Variants in GASK1A observed in about 807,000 individuals in gnomAD.
GASK1A encodes the protein golgi associated kinase 1A.
A neutral mutation model predicts 41.2 loss-of-function variants in GASK1A; 40 were observed. That is an observed-to-expected ratio of 0.97 (90% confidence interval 0.75 to 1.27). GASK1A has a LOEUF of 1.27. Among genes scored for constraint, GASK1A ranks in the 50% most tolerant of loss-of-function variants. The pLI, the probability that GASK1A is intolerant of heterozygous loss-of-function variation, is 0.00. For missense variants in GASK1A, 678 were observed against 745.1 expected, an observed-to-expected ratio of 0.91 and a Z score of 1.05; for synonymous variants, 316 against 307.1, an observed-to-expected ratio of 1.03 and a Z score of -0.30.
intron 1 of GASK1A, among the ~76,000 whole-genome samples, chr3:42,980,016 T>C (rs2089274674): frequency 6.6e-6 from 1 of 152,170 alleles, no homozygotes; most frequent in Non-Finnish European, 1.5e-5. Flanking sequence ...TTGAAGTCAT[T>C]TTAATACTCT....
Position 43,032,378 on chromosome 3 carries a change from TC to T in GASK1A, c.117del (p.Ala40ProfsTer13). 6.4e-7 allele frequency: 1 copy of T among 1,551,618 alleles called. No individual in the cohort carries two copies. Among genetic ancestry groups the T allele is most frequent in the Non-Finnish European group, 8.7e-7 (1 of 1,146,932 alleles). On this transcript the variant is annotated frameshift_variant, in exon 2 of 5. Transcript: ENST00000430121. LOFTEE classifies it high-confidence loss of function. ...AVTRFPPQRP[S>X]AGPDPGPMEP... Reference sequence around the variant, plus strand: ...CACCCGCTTTCCCCCACAGCGTCCATCCGCCGGCCCAGACCCTGGTCCCATG... The same window carrying T: ...CACCCGCTTTCCCCCACAGCGTCCATCGCCGGCCCAGACCCTGGTCCCATG...
intron 2 of GASK1A, among the ~76,000 whole-genome samples, chr3:43,045,418 C>A (rs190180271): frequency 5.7e-4 from 87 of 152,252 alleles, no homozygotes; most frequent in African/African-American, 2.0e-3. Context: ...CCTGCCTCAG[C>A]TCTTCTACCA....
intron 2 of GASK1A, among the ~76,000 whole-genome samples, chr3:43,039,502 C>G (rs553719699): frequency 7.4e-4 from 112 of 152,300 alleles, no homozygotes; most frequent in African/African-American, 2.5e-3. Flanking sequence ...TGTGCCTAGC[C>G]TAGGTAGGTT....
At chr3:43,038,932 G>A (rs868319568) in intron 2 of GASK1A, among the ~76,000 whole-genome samples, 9 of 151,914 alleles carry the variant, frequency 5.9e-5, no homozygotes, top group Non-Finnish European at 1.3e-4. Context: ...ATTGACTGTC[G>A]ATGGATTGTG....
At chr3:43,007,083 G>A (rs2089440467) in intron 1 of GASK1A, among the ~76,000 whole-genome samples, 1 of 152,170 alleles carries the variant, frequency 6.6e-6, no homozygotes, top group Non-Finnish European at 1.5e-5. Flanking sequence ...CATTGCTATT[G>A]AAGCTTTTGC....
Position 43,022,273 on chromosome 3 carries a change from C to T in GASK1A, c.4-9994C>T, listed in dbSNP as rs116045268. On this transcript the variant is annotated intron_variant, in intron 1 of 4. Transcript: ENST00000430121. ...CCCAAAGCTTTACTTGGGTGGCCCT[C>T]CCTGGGACATCTGCTCATGGCCGTT... 4.2e-3 allele frequency among the ~76,000 whole-genome samples: 642 copies of T among 152,272 alleles called. 9 individuals carry two copies. The highest frequency in any genetic ancestry group is 0.015 in the African/African-American group (621 of 41,556).
chr3:43,011,861 G>T (rs536686775), intron 1 of GASK1A, among the ~76,000 whole-genome samples: 1 of 151,396 alleles, frequency 6.6e-6, no homozygotes, highest in African/African-American at 2.4e-5. Flanking sequence ...GGGGCTGTGT[G>T]AAGCCAAGGA....
intron 1 of GASK1A, among the ~76,000 whole-genome samples, chr3:42,980,385 G>A (rs2089276576): frequency 6.6e-6 from 1 of 152,180 alleles, no homozygotes. Flanking sequence ...CCTCAGGCCC[G>A]GCCGCTGGTT....
At chr3:43,050,472 T>A (rs1002556195) in intron 2 of GASK1A, among the ~76,000 whole-genome samples, 1 of 152,218 alleles carries the variant, frequency 6.6e-6, no homozygotes, top group Non-Finnish European at 1.5e-5. Context: ...TCTCTGGCTT[T>A]TGACAGTTTT....
chr3:43,035,205 C>T (rs1211284955), intron 2 of GASK1A, among the ~76,000 whole-genome samples: 1 of 152,224 alleles, frequency 6.6e-6, no homozygotes, highest in African/African-American at 2.4e-5. Context: ...ACCCCAACCT[C>T]ATCCCCTTGA....
At chr3:43,017,922 C>A (rs181840928) in intron 1 of GASK1A, among the ~76,000 whole-genome samples, 9 of 151,780 alleles carry the variant, frequency 5.9e-5, no homozygotes, top group Admixed American at 3.3e-4. Flanking sequence ...TGGGAAGTCA[C>A]GGGAAGAAGT....
At chr3:43,023,953 G>T (rs2089533836) in intron 1 of GASK1A, among the ~76,000 whole-genome samples, 1 of 152,176 alleles carries the variant, frequency 6.6e-6, no homozygotes, top group Non-Finnish European at 1.5e-5. Flanking sequence ...AGGTCCTTGA[G>T]GTGGGGACCG....
At chr3:42,986,371 G>A (rs1278854862) in intron 1 of GASK1A, among the ~76,000 whole-genome samples, 2 of 152,180 alleles carry the variant, frequency 1.3e-5, no homozygotes, top group Non-Finnish European at 2.9e-5. Context: ...CTGGAGTGAT[G>A]GAACTGTTGT....
rs187529292 is a variant in GASK1A at position 43,026,127 on chromosome 3, G to A, written c.4-6140G>A. 6.1e-3 allele frequency among the ~76,000 whole-genome samples: 926 copies of A among 152,290 alleles called. 10 individuals carry two copies. Among genetic ancestry groups the A allele is most frequent in the Non-Finnish European group, 0.01 (711 of 68,034 alleles). ...CCCCCGCTTGTCTGCAAAAGAGGGT[G>A]TGGAAATGGGATGGGGGCAAGTTTA... On this transcript the variant is annotated intron_variant, in intron 1 of 4. Transcript: ENST00000430121.
At position 42,979,531 on chromosome 3, in the gene GASK1A, G is replaced by T. The variant is rs2089268832; in HGVS notation, c.-112G>T. 2 of 1,145,402 alleles carry T rather than the reference G, an allele frequency of 1.7e-6. No homozygotes were observed. The highest frequency in any genetic ancestry group is 3.2e-5 in the East Asian group (1 of 31,328). The allele number at this position is 1,145,402 out of a possible 1,614,324, so 71.0% of individuals were successfully genotyped here. A position where few individuals can be genotyped will look rare whatever the true frequency, so the allele number is the denominator to read the frequency against. ...AAACCCGCCCCAGCCGAGTAGCCGC[G>T]CATCCTGGGAAGCCTGGCGAGCCAC... is the stretch of plus-strand genomic sequence containing the variant. On this transcript the variant is annotated 5_prime_UTR_variant, in exon 1 of 5. Transcript: ENST00000430121.
At chr3:43,008,479 C>A (rs1331198562) in intron 1 of GASK1A, among the ~76,000 whole-genome samples, 1 of 152,216 alleles carries the variant, frequency 6.6e-6, no homozygotes, top group Non-Finnish European at 1.5e-5. Flanking sequence ...ACTGCAAGGC[C>A]TCTTTATTTC....
intron 1 of GASK1A, among the ~76,000 whole-genome samples, chr3:42,994,952 A>G (rs9837761): frequency 0.17 from 25,919 of 152,174 alleles, 2,359 homozygotes; most frequent in Non-Finnish European, 0.2. Context: ...AGTAGCCACT[A>G]CTTGCAGGTG....
chr3:43,031,934 G>C (rs1010381879), intron 1 of GASK1A, among the ~76,000 whole-genome samples: 1 of 152,244 alleles, frequency 6.6e-6, no homozygotes, highest in Admixed American at 6.5e-5. Flanking sequence ...TGGTGATGGG[G>C]ACAGACGTGA....
chr3:43,018,029 A>T (rs943328104), intron 1 of GASK1A, among the ~76,000 whole-genome samples: 12 of 152,230 alleles, frequency 7.9e-5, no homozygotes, highest in African/African-American at 2.9e-4. Flanking sequence ...GGGCTGCTTG[A>T]GGTCACGGGA....
Sources: gnomAD v4.1 joint callset for allele counts (sites outside exome capture counted in the v4.1 genomes callset) on GRCh38, gnomAD v4.1.1 for gene constraint, MANE v1.5 for transcripts, NCBI Gene and HGNC (gene_info 2026-07-23, HGNC 2026-07-21) for gene names.